The following RPS21 variants were observed in gnomAD, a reference collection of about 807,000 sequenced individuals.
The protein encoded by RPS21 is ribosomal protein S21, also known as small ribosomal subunit protein eS21.
RPS21 carries 6 observed loss-of-function variants against 14.5 expected under a neutral mutation model. The ratio of observed to expected loss-of-function variants is 0.41; its 90% CI spans 0.23 to 0.82. RPS21 has a LOEUF of 0.82. Ranked by LOEUF, RPS21 falls within the 40% of genes least tolerant of loss-of-function variation. The pLI, the probability that RPS21 is intolerant of heterozygous loss-of-function variation, is 0.31. For synonymous variants in RPS21, 61 were observed against 42.6 expected (o/e 1.43, Z -1.69); for missense variants, 85 against 115.0 (o/e 0.74, Z 1.19).
chr20:62,388,259 A>G, intron 4 of RPS21, 50 bp from the exon 5 acceptor site: 1 of 1,555,416 alleles, frequency 6.4e-7, no homozygotes, highest in Non-Finnish European at 8.7e-7. Context: ...CTGCCATCTC[A>G]GGCAGCCGGA....
chr20:62,388,215 G>C lies in RPS21; in HGVS notation c.187-94G>C, dbSNP rs1987817299. On this transcript the variant is annotated intron_variant, in intron 4 of 5. Coordinates refer to ENST00000343986, the MANE Select transcript of RPS21 (RefSeq NM_001024.4). ...GCGCCTGTCTCCATTCGCTCAGCGG[G>C]GGAGAGACGTGGGCTGGTGGCACAG... The C allele has an allele frequency of 3.4e-6, 5 of 1,477,738 alleles. No individual in the cohort carries two copies. In the African/African-American group the frequency reaches 5.7e-5, roughly 17 times the overall value. 91.5% of individuals were successfully genotyped at this position (1,477,738 alleles called of 1,614,324 possible).
Position 62,387,347 on chromosome 20 carries a change from C to T in RPS21, c.9C>T (p.Asn3=), listed in dbSNP as rs764422489. The T allele has an allele frequency of 4.4e-6, 7 of 1,603,862 alleles. No homozygotes were observed. Among genetic ancestry groups the T allele is most frequent in the African/African-American group, 4.0e-5 (3 of 74,644 alleles). ...CGCAGCCCAGCCTCGAAATGCAGAACGACGCCGGCGAGTTCGTGGACCTGT... is the reference window on the plus strand; with the variant it reads ...CGCAGCCCAGCCTCGAAATGCAGAATGACGCCGGCGAGTTCGTGGACCTGT... The part of the protein sequence containing the change: MQ[N]DAGEFVDLYV... The change falls in exon 2 of 6, where the codon AAC becomes AAT. Residue 3 remains asparagine, a synonymous_variant. Transcript: ENST00000343986.
In RPS21 at chr20:62,387,353, C is replaced by T. The variant is rs1987767046; in HGVS notation, c.15C>T (p.Ala5=). 3 of 1,605,548 alleles carry T rather than the reference C, an allele frequency of 1.9e-6. No individual in the cohort carries two copies. Among genetic ancestry groups the T allele is most frequent in the African/African-American group, 1.3e-5 (1 of 74,686 alleles). The change falls in exon 2 of 6, where the codon GCC becomes GCT. Residue 5 remains alanine (A), a synonymous_variant. Transcript: ENST00000343986. Reference sequence around the variant, plus strand: ...CCAGCCTCGAAATGCAGAACGACGCCGGCGAGTTCGTGGACCTGTACGTGC... The same window carrying T: ...CCAGCCTCGAAATGCAGAACGACGCTGGCGAGTTCGTGGACCTGTACGTGC... MQND[A]GEFVDLYVPR...
At chr20:62,388,023 A>G (rs1362493262) in intron 4 of RPS21, 109 bp downstream of exon 4, 1 of 1,599,808 alleles carries the variant, frequency 6.3e-7, no homozygotes, top group South Asian at 1.1e-5. Context: ...GAGTAGTTTG[A>G]GCCAGCTGGA....
chr20:62,388,245 CCTT>C (rs921764464), intron 4 of RPS21, 61 bp from the exon 5 acceptor site: 99 of 1,537,386 alleles, frequency 6.4e-5, no homozygotes, highest in African/African-American at 9.8e-5. Context: ...GCACAGCTGA[CCTT>C]CTGCCATCTC....
In RPS21 at chr20:62,387,315, C is replaced by T. The variant is rs754691033; in HGVS notation, c.-18-6C>T. The T allele has an allele frequency of 1.9e-6, 3 of 1,583,478 alleles. No homozygotes were observed. The highest frequency in any genetic ancestry group is 2.6e-6 in the Non-Finnish European group (3 of 1,166,126). On this transcript the variant is annotated splice_region_variant and splice_polypyrimidine_tract_variant and intron_variant, in intron 1 of 5. Coordinates refer to ENST00000343986, the MANE Select transcript of RPS21 (RefSeq NM_001024.4). The stretch of plus-strand genomic sequence containing the variant: ...GTACTCACGGCGCCGCGCGGTGACT[C>T]CCCAGGCGCAGCCCAGCCTCGAAAT...
chr20:62,387,314 T>C lies in RPS21; in HGVS notation c.-18-7T>C. The C allele has an allele frequency of 1.3e-6, 2 of 1,582,286 alleles. No homozygotes were observed. Among genetic ancestry groups the C allele is most frequent in the Non-Finnish European group, 1.7e-6 (2 of 1,165,592 alleles). ...CGTACTCACGGCGCCGCGCGGTGACTCCCCAGGCGCAGCCCAGCCTCGAAA... is the reference window on the plus strand; with the variant it reads ...CGTACTCACGGCGCCGCGCGGTGACCCCCCAGGCGCAGCCCAGCCTCGAAA... On this transcript the variant is annotated splice_region_variant and splice_polypyrimidine_tract_variant and intron_variant, in intron 1 of 5. Transcript: ENST00000343986.
chr20:62,387,981 T>C lies in RPS21; in HGVS notation c.186+67T>C, dbSNP rs6061233. ...GTGGACTTTACCGTGCGCATTGGAG[T>C]GTGTGATGGTGCCTGAGTAGATCTG... On this transcript the variant is annotated intron_variant, in intron 4 of 5. Transcript: ENST00000343986. The C allele has an allele frequency of 4.1e-3, 6,565 of 1,613,730 alleles. 193 individuals are homozygous for C. In the African/African-American group the frequency reaches 0.065, roughly 16 times the overall value.
chr20:62,388,456 G>T lies in RPS21; in HGVS notation c.243-1G>T. The T allele has an allele frequency of 6.2e-7, 1 of 1,613,870 alleles. No homozygotes were observed. Among genetic ancestry groups the T allele is most frequent in the Non-Finnish European group, 8.5e-7 (1 of 1,179,804 alleles). On this transcript the variant is annotated splice_acceptor_variant, in intron 5 of 5. Transcript: ENST00000343986. LOFTEE classifies it high-confidence loss of function. ...ACGTTGTCCTTTTCCCCTGGTTCTA[G>T]GAACTTTTGACTGGAGAGAATCACA... is the stretch of plus-strand genomic sequence containing the variant.
chr20:62,387,327 C>T lies in RPS21; in HGVS notation c.-12C>T, dbSNP rs748007833. ...CCGCGCGGTGACTCCCCAGGCGCAGCCCAGCCTCGAAATGCAGAACGACGC... is the reference window on the plus strand; with the variant it reads ...CCGCGCGGTGACTCCCCAGGCGCAGTCCAGCCTCGAAATGCAGAACGACGC... On this transcript the variant is annotated 5_prime_UTR_variant, in exon 2 of 6. Transcript: ENST00000343986. 10 of 1,593,304 alleles carry T rather than the reference C, an allele frequency of 6.3e-6. No individual in the cohort carries two copies. The African/African-American group carries it at 1.1e-4, about 17-fold the overall frequency.
Position 62,388,507 on chromosome 20 carries a change from A to G in RPS21, c.*41A>G, listed in dbSNP as rs752525519. ...GATGTGGAATATTTGTCATAAATAAATAATGAAAACCTACCTGTGCAGGTT... is the reference window on the plus strand; with the variant it reads ...GATGTGGAATATTTGTCATAAATAAGTAATGAAAACCTACCTGTGCAGGTT... On this transcript the variant is annotated 3_prime_UTR_variant, in exon 6 of 6. Transcript: ENST00000343986. 13 of 1,607,560 alleles carry G rather than the reference A, an allele frequency of 8.1e-6. No homozygotes were observed. Among genetic ancestry groups the G allele is most frequent in the East Asian group, 4.5e-5 (2 of 44,868 alleles).
At position 62,387,397 on chromosome 20, in the gene RPS21, C is replaced by G. The variant is rs781033512; in HGVS notation, c.50+9C>G. On this transcript the variant is annotated intron_variant, in intron 2 of 5. Transcript: ENST00000343986. The stretch of plus-strand genomic sequence containing the variant: ...TACGTGCCGCGGAAATGGTAAGCGC[C>G]CCCCACATGCCTCTCTTCCGTCCTT... The G allele has an allele frequency of 2.3e-5, 37 of 1,607,818 alleles. No individual in the cohort carries two copies. The highest frequency in any genetic ancestry group is 3.1e-5 in the Non-Finnish European group (36 of 1,177,304).
At position 62,387,324 on chromosome 20, in the gene RPS21, C is replaced by G; in HGVS notation, c.-15C>G. The G allele has an allele frequency of 1.3e-6, 2 of 1,591,296 alleles. No individual in the cohort carries two copies. The highest frequency in any genetic ancestry group is 1.1e-5 in the South Asian group (1 of 87,704). ...GCGCCGCGCGGTGACTCCCCAGGCG[C>G]AGCCCAGCCTCGAAATGCAGAACGA... On this transcript the variant is annotated 5_prime_UTR_variant, in exon 2 of 6. Coordinates refer to ENST00000343986, the MANE Select transcript of RPS21 (RefSeq NM_001024.4).
intron 4 of RPS21, 142 bp from the exon 5 acceptor site, chr20:62,388,167 C>T: frequency 1.4e-6 from 2 of 1,468,944 alleles, no homozygotes; most frequent in Non-Finnish European, 1.8e-6. Flanking sequence ...GCAGGCTGCC[C>T]CGGGAGAGGT....
Position 62,388,127 on chromosome 20 carries a change from C to CT in RPS21, c.187-182_187-181insT, listed in dbSNP as rs1050288819. On this transcript the variant is annotated intron_variant, in intron 4 of 5. Transcript: ENST00000343986. ...ACTCTGCCTCTCACTAGGAGGTGCCCCCCCGACCCCGCTCCACCATAGTCA... is the reference window on the plus strand; with the variant it reads ...ACTCTGCCTCTCACTAGGAGGTGCCCTCCCCGACCCCGCTCCACCATAGTCA... 2.5e-5 allele frequency: 38 copies of CT among 1,499,024 alleles called. No homozygotes were observed. The African/African-American group carries it at 4.6e-4, about 18-fold the overall frequency. The allele number at this position is 1,499,024 out of a possible 1,614,324, so 92.9% of individuals were successfully genotyped here. A position where few individuals can be genotyped will look rare whatever the true frequency, so the allele number is the denominator to read the frequency against.
In RPS21 at chr20:62,387,863, G is replaced by A; in HGVS notation, c.135G>A (p.Arg45=). 2 of 1,614,164 alleles carry A rather than the reference G, an allele frequency of 1.2e-6. No individual in the cohort carries two copies. Among genetic ancestry groups the A allele is most frequent in the Non-Finnish European group, 1.7e-6 (2 of 1,180,036 alleles). ...NVAEVDKVTG[R]FNGQFKTYAI... ...TCTAGGTTGACAAGGTCACAGGCAG[G>A]TTTAATGGCCAGTTTAAAACTTATG... The change falls in exon 4 of 6, where the codon AGG becomes AGA. Residue 45 remains arginine (R), a synonymous_variant. Coordinates refer to ENST00000343986, the MANE Select transcript of RPS21 (RefSeq NM_001024.4).
rs1987783567 is a variant in RPS21, at chr20:62,387,603, C to T, written c.51-8C>T. 2 of 1,610,154 alleles carry T rather than the reference C, an allele frequency of 1.2e-6. No individual in the cohort carries two copies. Among genetic ancestry groups the T allele is most frequent in the Non-Finnish European group, 1.7e-6 (2 of 1,177,194 alleles). On this transcript the variant is annotated splice_region_variant and splice_polypyrimidine_tract_variant and intron_variant, in intron 2 of 5. Coordinates refer to ENST00000343986, the MANE Select transcript of RPS21 (RefSeq NM_001024.4). ...GTCCCCTCTGCTCACTGCGCCCTTTCTCCACAGCTCCGCTAGCAATCGCAT... is the reference window on the plus strand; with the variant it reads ...GTCCCCTCTGCTCACTGCGCCCTTTTTCCACAGCTCCGCTAGCAATCGCAT...
rs1439559690 is a variant in RPS21 at position 62,387,927 on chromosome 20, C to T, written c.186+13C>T. On this transcript the variant is annotated intron_variant, in intron 4 of 5. Coordinates refer to ENST00000343986, the MANE Select transcript of RPS21 (RefSeq NM_001024.4). ...CATTCGTAGGATGGTGAGTGTTTCC[C>T]TGGGCTTTGCTCATCACTTCGGGAC... 2 of 1,614,098 alleles carry T rather than the reference C, an allele frequency of 1.2e-6. No homozygotes were observed. Among genetic ancestry groups the T allele is most frequent in the Non-Finnish European group, 1.7e-6 (2 of 1,180,050 alleles).
chr20:62,387,440 C>T lies in RPS21; in HGVS notation c.50+52C>T, dbSNP rs1235401202. The T allele has an allele frequency of 2.5e-6, 4 of 1,602,144 alleles. No homozygotes were observed. In the African/African-American group the frequency reaches 4.0e-5, roughly 16 times the overall value. On this transcript the variant is annotated intron_variant, in intron 2 of 5. Coordinates refer to ENST00000343986, the MANE Select transcript of RPS21 (RefSeq NM_001024.4). ...CCGTCCTTACCTAACCACCACGTCC[C>T]CTCGCCTGCCCTTGTTCCCCCACAC...
Sources: allele counts gnomAD v4.1 joint callset, GRCh38; gene constraint gnomAD v4.1.1; transcripts MANE v1.5; gene names NCBI Gene and HGNC (gene_info 2026-07-23, HGNC 2026-07-21).